Variants in GAB3 observed in about 807,000 individuals in gnomAD.
The protein encoded by GAB3 is GRB2 associated binding protein 3, also known as GRB2-associated-binding protein 3.
A neutral mutation model predicts 40.4 loss-of-function variants in GAB3; 12 were observed. The ratio of observed to expected loss-of-function variants is 0.30; its 90% CI spans 0.19 to 0.48. The LOEUF is 0.48. GAB3 is among the 20% of genes least tolerant of loss of function. The pLI is 0.99. For synonymous variants in GAB3, 154 were observed against 176.7 expected, an observed-to-expected ratio of 0.87 and a Z score of 1.02; for missense variants, 381 against 461.9, an observed-to-expected ratio of 0.82 and a Z score of 1.61.
At chrX:154,715,987 A>C in intron 2 of GAB3, 39 bp downstream of exon 2, 780 of 1,149,943 alleles carry the variant, frequency 6.8e-4, no homozygotes, top group Non-Finnish European at 8.5e-4. Flanking sequence ...CAGTCCTGGG[A>C]TACCCCTTAG....
intron 1 of GAB3, among the ~76,000 whole-genome samples, chrX:154,741,358 A>C (rs1046939872): frequency 4.5e-5 from 5 of 111,852 alleles, no homozygotes; most frequent in Admixed American, 1.9e-4. Context: ...CCATGAAGAC[A>C]TACCCAAGAC....
At chrX:154,691,516 A>T (rs917271126) in intron 8 of GAB3, among the ~76,000 whole-genome samples, 12 of 112,144 alleles carry the variant, frequency 1.1e-4, no homozygotes, top group Non-Finnish European at 2.3e-4. Flanking sequence ...TGTAAGAAAG[A>T]AAGTAAAGGA....
chrX:154,698,647 C>T (rs2070697063), intron 6 of GAB3, among the ~76,000 whole-genome samples: 2 of 111,894 alleles, frequency 1.8e-5, no homozygotes, highest in Admixed American at 1.9e-4. Flanking sequence ...GTCACTCTGA[C>T]CTGCTCTTCC....
At chrX:154,739,670 G>C (rs1487617526) in intron 1 of GAB3, among the ~76,000 whole-genome samples, 2 of 112,014 alleles carry the variant, frequency 1.8e-5, no homozygotes, top group Admixed American at 1.9e-4. Flanking sequence ...GGTTATTTGG[G>C]GGTAAGGGTA....
At chrX:154,696,127 C>T (rs1459793678) in intron 7 of GAB3, 108 bp from the exon 8 acceptor site, 1 of 411,750 alleles carries the variant, frequency 2.4e-6, no homozygotes, top group Non-Finnish European at 4.2e-6. Flanking sequence ...CTCTTCCAGA[C>T]ACAACTTCCT....
intron 1 of GAB3, 127 bp from the exon 2 acceptor site, chrX:154,716,456 G>A (rs782376922): frequency 3.3e-6 from 2 of 600,029 alleles, no homozygotes; most frequent in Middle Eastern, 5.4e-4. Context: ...ATGATGAAAC[G>A]CTTTGTATTA....
At chrX:154,734,832 C>T (rs2071341929) in intron 1 of GAB3, among the ~76,000 whole-genome samples, 1 of 112,321 alleles carries the variant, frequency 8.9e-6, no homozygotes, top group Non-Finnish European at 1.9e-5. Context: ...TTGAGCACAT[C>T]CAGTCTGACT....
intron 1 of GAB3, among the ~76,000 whole-genome samples, chrX:154,740,818 C>T (rs1436551593): frequency 8.9e-6 from 1 of 112,305 alleles, no homozygotes; most frequent in Admixed American, 9.4e-5. Context: ...ATTCACTGTT[C>T]AATCTGGAAC....
Position 154,712,218 on chromosome X carries a change from C to T in GAB3, c.1069+11G>A. 8.7e-7 allele frequency: 1 copy of T among 1,146,378 alleles called. No individual in the cohort carries two copies. Among genetic ancestry groups the T allele is most frequent in the Non-Finnish European group, 1.2e-6 (1 of 850,818 alleles). The allele number at this position is 1,146,378 out of a possible 1,213,427, so 94.5% of individuals were successfully genotyped here. ...TTTCTTGGCGCCTGAATCTTAGGAC[C>T]CAACACTTACCTTTCCAGGTTCTCA... On this transcript the variant is annotated intron_variant, in intron 4 of 9. Transcript: ENST00000424127.
chrX:154,729,811 A>G (rs1313447550), intron 1 of GAB3, among the ~76,000 whole-genome samples: 1 of 112,083 alleles, frequency 8.9e-6, no homozygotes, highest in Non-Finnish European at 1.9e-5. Context: ...TGGTACTCAG[A>G]CAGATGAAGT....
At chrX:154,696,043 G>C in intron 7 of GAB3, 24 bp from the exon 8 acceptor site, 10 of 976,158 alleles carry the variant, frequency 1.0e-5, no homozygotes, top group Non-Finnish European at 1.4e-5. Flanking sequence ...TATAGATGAG[G>C]TCAAAGCAAT....
At chrX:154,714,752 G>A (rs1301483709) in intron 2 of GAB3, among the ~76,000 whole-genome samples, 3 of 112,234 alleles carry the variant, frequency 2.7e-5, no homozygotes, top group Non-Finnish European at 5.6e-5. Flanking sequence ...AAACAGAGGA[G>A]ATATATAACA....
chrX:154,678,108 A>AG lies in GAB3; in HGVS notation c.*69_*70insC, dbSNP rs2070321869. The AG allele has an allele frequency of 5.4e-6, 3 of 559,179 alleles. No individual in the cohort carries two copies. The highest frequency in any genetic ancestry group is 8.8e-6 in the Non-Finnish European group (3 of 340,688). 46.1% of individuals were successfully genotyped at this position (559,179 alleles called of 1,213,427 possible). On this transcript the variant is annotated 3_prime_UTR_variant, in exon 10 of 10. Transcript: ENST00000424127. Reference sequence around the variant, plus strand: ...AGTGTGTTTTTAGTGGACAAAAAAAAAAAAAAAAGAAAAAACTCAAACTGA... The same window carrying AG: ...AGTGTGTTTTTAGTGGACAAAAAAAAGAAAAAAAAGAAAAAACTCAAACTGA...
At chrX:154,697,330 G>C (rs782732055) in intron 6 of GAB3, 117 bp from the exon 7 acceptor site, 27 of 454,673 alleles carry the variant, frequency 5.9e-5, no homozygotes, top group African/African-American at 2.0e-4. Context: ...CAGCACTGAT[G>C]ATGAGGGTGA....
chrX:154,716,563 G>A (rs887266881), intron 1 of GAB3, among the ~76,000 whole-genome samples: 1 of 112,734 alleles, frequency 8.9e-6, no homozygotes, highest in Non-Finnish European at 1.9e-5. Flanking sequence ...CCCACAGTTT[G>A]AAGGGCCAGA....
intron 1 of GAB3, among the ~76,000 whole-genome samples, chrX:154,718,138 C>G (rs1033725630): frequency 5.4e-5 from 6 of 110,756 alleles, no homozygotes; most frequent in Non-Finnish European, 1.1e-4. Context: ...CAGCTTTGAC[C>G]AAGAGGCCAG....
chrX:154,737,863 G>A (rs1002347074), intron 1 of GAB3, among the ~76,000 whole-genome samples: 1 of 111,512 alleles, frequency 9.0e-6, no homozygotes, highest in African/African-American at 3.3e-5. Flanking sequence ...GGTGGCAGGC[G>A]CCAGTAATCC....
intron 8 of GAB3, among the ~76,000 whole-genome samples, chrX:154,682,846 C>T (rs1195855655): frequency 9.0e-6 from 1 of 110,781 alleles, no homozygotes; most frequent in East Asian, 2.8e-4. Flanking sequence ...GGCATGGTGG[C>T]GCATGCCTGT....
upstream of GAB3, among the ~76,000 whole-genome samples, chrX:154,751,292 G>A (rs1340895492): frequency 7.5e-3 from 694 of 92,265 alleles, 13 homozygotes; most frequent in African/African-American, 0.029. Flanking sequence ...CCCGGGGGGG[G>A]GGTGTGGGGG....
Sources: allele counts gnomAD v4.1 joint callset (sites outside exome capture counted in the v4.1 genomes callset), GRCh38; gene constraint gnomAD v4.1.1; transcripts MANE v1.5; gene names NCBI Gene and HGNC (gene_info 2026-07-23, HGNC 2026-07-21).